NCOR2: variants seen among roughly 807,000 people sequenced by gnomAD.
NCOR2 encodes nuclear receptor corepressor 2, also known as CTG repeat protein 26.
NCOR2 carries 81 observed loss-of-function variants against 262.9 expected under a neutral mutation model. That is an observed-to-expected ratio of 0.31 (90% confidence interval 0.26 to 0.37). The LOEUF (loss-of-function observed/expected upper bound fraction) is 0.37. Ranked by LOEUF, NCOR2 falls within the 10% of genes least tolerant of loss-of-function variation. The pLI is 1.00. For missense variants in NCOR2, 3,385 were observed against 3,621.4 expected (o/e 0.93, Z 1.68); for synonymous variants, 1,659 against 1,559.3 (o/e 1.06, Z -1.51).
chr12:124,375,448 A>G (rs765100034), intron 18 of NCOR2, among the ~76,000 whole-genome samples: 1 of 152,216 alleles, frequency 6.6e-6, no homozygotes, highest in Non-Finnish European at 1.5e-5. Flanking sequence ...TTTCTGATTC[A>G]GTACGTGTGG....
Position 124,483,037 on chromosome 12 carries a change from C to A in NCOR2, c.411+559G>T, listed in dbSNP as rs2047580747. On this transcript the variant is annotated intron_variant, in intron 3 of 46. Transcript: ENST00000405201. The surrounding 1 kb of genome is among the most constrained non-coding windows in gnomAD (Gnocchi z 6.3). ...TCCCTGACCCTTAAGAATCCAGAAG[C>A]CTCAGGTGCCTGGCAGAGCCCTGAG... Among the ~76,000 whole-genome samples the A allele has an allele frequency of 6.6e-6, 1 of 152,116 alleles. No individual in the cohort carries two copies. Among genetic ancestry groups the A allele is most frequent in the African/African-American group, 2.4e-5 (1 of 41,416 alleles).
At chr12:124,330,867 A>C in exon 44 of NCOR2, 1 of 1,583,376 alleles carries the variant, frequency 6.3e-7, no homozygotes, top group Non-Finnish European at 8.6e-7. Context: ...TGGCGGGCAT[A>C]TTGAAGATCT....
intron 1 of NCOR2, among the ~76,000 whole-genome samples, chr12:124,521,553 G>T (rs1284535138): frequency 6.6e-6 from 1 of 152,144 alleles, no homozygotes; most frequent in Admixed American, 6.5e-5. Flanking sequence ...CCCAAAATAG[G>T]TAAGTCCACA....
rs181496482 is a variant in NCOR2, at chr12:124,473,225, A to T, written c.412-94T>A. 9 of 1,427,480 alleles carry T rather than the reference A, an allele frequency of 6.3e-6. No individual in the cohort carries two copies. The African/African-American group carries it at 9.8e-5, about 16-fold the overall frequency. 88.4% of individuals were successfully genotyped at this position (1,427,480 alleles called of 1,614,324 possible). A position where few individuals can be genotyped will look rare whatever the true frequency, so the allele number is the denominator to read the frequency against. On this transcript the variant is annotated intron_variant, in intron 3 of 46. Transcript: ENST00000405201. Reference sequence around the variant, plus strand: ...TGGTTAATACTGTCAACCTGATTGGATTGAAGGAGGCAAAGTATTGATCCT... The same window carrying T: ...TGGTTAATACTGTCAACCTGATTGGTTTGAAGGAGGCAAAGTATTGATCCT...
intron 16 of NCOR2, among the ~76,000 whole-genome samples, chr12:124,397,113 G>A (rs1390240848): frequency 1.3e-5 from 2 of 152,170 alleles, no homozygotes; most frequent in African/African-American, 4.8e-5. Flanking sequence ...CATGGGCGGG[G>A]ACAGGAGCAG....
In NCOR2 at chr12:124,334,582, T is replaced by TGG. The variant is rs2035707867; in HGVS notation, c.6445_6446dup (p.Gln2150HisfsTer80). On this transcript the variant is annotated frameshift_variant, in exon 41 of 47. Coordinates refer to ENST00000405201, the Ensembl canonical transcript of NCOR2. LOFTEE classifies it high-confidence loss of function. ...CGGGCAGGGGTGCGCTGAGCTGCTG[T>TGG]GGGTGGTGCCGGGTGTAGTCCTGTG... 7.1e-7 allele frequency: 1 copy of TGG among 1,401,416 alleles called. No homozygotes were observed. Among genetic ancestry groups the TGG allele is most frequent in the Non-Finnish European group, 9.2e-7 (1 of 1,085,804 alleles). 86.8% of individuals were successfully genotyped at this position (1,401,416 alleles called of 1,614,324 possible).
At chr12:124,563,410 C>T (rs1285566691) in intron 1 of NCOR2, among the ~76,000 whole-genome samples, 2 of 152,246 alleles carry the variant, frequency 1.3e-5, no homozygotes, top group Admixed American at 1.3e-4. Flanking sequence ...AACAATGATG[C>T]TAAGTTCATT....
At chr12:124,565,981 G>A (rs1233581014) in intron 1 of NCOR2, among the ~76,000 whole-genome samples, 2 of 152,088 alleles carry the variant, frequency 1.3e-5, no homozygotes, top group South Asian at 2.1e-4. Flanking sequence ...GCGCAGTCTG[G>A]CCCGGAGAGC....
intron 30 of NCOR2, 193 bp downstream of exon 32, chr12:124,347,628 TTTTG>T (rs762666357): frequency 1.0e-5 from 6 of 590,170 alleles, no homozygotes; most frequent in Admixed American, 3.0e-5. Context: ...GTATTTTGCT[TTTTG>T]TTTTTGTTTT....
chr12:124,394,334 T>C (rs1478157045), intron 16 of NCOR2, among the ~76,000 whole-genome samples: 1 of 152,206 alleles, frequency 6.6e-6, no homozygotes, highest in African/African-American at 2.4e-5. Context: ...AAGGAGCTGC[T>C]TGTAGCTACA....
chr12:124,388,769 G>A (rs1018957662), intron 16 of NCOR2: 1 of 1,303,854 alleles, frequency 7.7e-7, no homozygotes, highest in Non-Finnish European at 1.0e-6. Flanking sequence ...GCCGAAGTGG[G>A]CCGGCAGGCT....
At chr12:124,521,791 G>A (rs1236010383) in intron 1 of NCOR2, among the ~76,000 whole-genome samples, 5 of 152,222 alleles carry the variant, frequency 3.3e-5, no homozygotes, top group African/African-American at 4.8e-5. Flanking sequence ...GCCGGGCGCA[G>A]TGGATCGCTT....
intron 10 of NCOR2, among the ~76,000 whole-genome samples, chr12:124,427,096 T>G (rs1473183773): frequency 6.6e-6 from 1 of 152,094 alleles, no homozygotes; most frequent in Non-Finnish European, 1.5e-5. Flanking sequence ...CCTTTGGAAA[T>G]GCAAGCGCCA....
In NCOR2 at chr12:124,427,285, C is replaced by T. The variant is rs376692165; in HGVS notation, c.1150-485G>A. 7.2e-5 allele frequency among the ~76,000 whole-genome samples: 11 copies of T among 152,250 alleles called. No individual in the cohort carries two copies. The South Asian group carries it at 1.5e-3, about 20-fold the overall frequency. ...TCGCTGGTGGAGAGGTCTTTCCTGC[C>T]CCCACACTACACGCCCCCTCCCGGC... On this transcript the variant is annotated intron_variant, in intron 10 of 46. Coordinates refer to ENST00000405201, the Ensembl canonical transcript of NCOR2.
intron 1 of NCOR2, among the ~76,000 whole-genome samples, chr12:124,561,484 C>T (rs1416753070): frequency 6.6e-6 from 1 of 152,140 alleles, no homozygotes; most frequent in Non-Finnish European, 1.5e-5. Context: ...AGTTATGGTA[C>T]TGGCATATCT....
intron 13 of NCOR2, among the ~76,000 whole-genome samples, chr12:124,414,890 G>A (rs1175904476): frequency 6.6e-6 from 1 of 152,140 alleles, no homozygotes; most frequent in Non-Finnish European, 1.5e-5. Flanking sequence ...TGGGGCAGCT[G>A]TGAGGGGAGT....
intron 44 of NCOR2, 25 bp from the exon 47 acceptor site, chr12:124,327,658 G>A: frequency 6.3e-7 from 1 of 1,576,990 alleles, no homozygotes; most frequent in Non-Finnish European, 8.6e-7. Flanking sequence ...CAGACAGACA[G>A]ACAGACACAT....
chr12:124,336,498 G>A (rs996895036), intron 38 of NCOR2: 3 of 925,304 alleles, frequency 3.2e-6, no homozygotes, highest in East Asian at 4.0e-5. Context: ...TCGTCAGCGC[G>A]TGCAAACCGG....
intron 13 of NCOR2, among the ~76,000 whole-genome samples, chr12:124,413,431 G>A (rs1386206763): frequency 6.6e-6 from 1 of 152,204 alleles, no homozygotes; most frequent in Non-Finnish European, 1.5e-5. Context: ...AATGCCCCCG[G>A]ATGAACATGC....
Sources: allele counts gnomAD v4.1 joint callset (sites outside exome capture counted in the v4.1 genomes callset), GRCh38; gene constraint gnomAD v4.1.1; non-coding constraint Gnocchi (gnomAD v3.1); transcripts MANE v1.5; gene names NCBI Gene and HGNC (gene_info 2026-07-23, HGNC 2026-07-21).